DOK6: variants seen among roughly 807,000 people sequenced by gnomAD.
DOK6 encodes the protein docking protein 6.
Under a neutral mutation model 44.0 loss-of-function variants are expected in DOK6, and 22 were observed. The ratio of observed to expected loss-of-function variants is 0.50; its 90% CI spans 0.36 to 0.71. DOK6 has a LOEUF of 0.71. Among genes scored for constraint, DOK6 ranks in the 30% least tolerant of loss-of-function variants. The pLI, the probability that DOK6 is intolerant of heterozygous loss-of-function variation, is 0.00. For missense variants in DOK6, 340 were observed against 416.4 expected, an observed-to-expected ratio of 0.82 and a Z score of 1.60; for synonymous variants, 166 against 145.5, an observed-to-expected ratio of 1.14 and a Z score of -1.01.
chr18:69,684,449 T>C (rs1053050745), intron 4 of DOK6, among the ~76,000 whole-genome samples: 1 of 152,012 alleles, frequency 6.6e-6, no homozygotes, highest in African/African-American at 2.4e-5. Flanking sequence ...CCTGGGAACA[T>C]GCCCTCTGTA....
chr18:69,597,516 A>G (rs1251510689), intron 2 of DOK6, among the ~76,000 whole-genome samples: 1 of 131,660 alleles, frequency 7.6e-6, no homozygotes, highest in Non-Finnish European at 1.7e-5. Context: ...TATTTTCTCC[A>G]TAAGGGGTAT....
At chr18:69,672,544 T>G (rs10451410) in intron 3 of DOK6, among the ~76,000 whole-genome samples, 122,528 of 151,694 alleles carry the variant, frequency 0.81, 49,632 homozygotes, top group East Asian at 0.97. Context: ...TTTTAGTAGA[T>G]TCGGGGTTTC....
intron 7 of DOK6, among the ~76,000 whole-genome samples, chr18:69,790,523 G>A (rs948804233): frequency 6.6e-6 from 1 of 152,136 alleles, no homozygotes; most frequent in African/African-American, 2.4e-5. Context: ...CATGCGCTAA[G>A]TAAGAATTTT....
chr18:69,780,914 T>C (rs1980244755), intron 7 of DOK6, among the ~76,000 whole-genome samples: 1 of 152,210 alleles, frequency 6.6e-6, no homozygotes, highest in South Asian at 2.1e-4. Flanking sequence ...ATTTATGGGC[T>C]GTCTATGGTA....
chr18:69,761,227 C>T lies in DOK6; in HGVS notation c.856+3354C>T, dbSNP rs995238671. Among the ~76,000 whole-genome samples, 4 of 149,028 alleles carry T rather than the reference C, an allele frequency of 2.7e-5. 1 individual carries two copies. The highest frequency in any genetic ancestry group is 7.6e-5 in the African/African-American group (3 of 39,352). Reference sequence around the variant, plus strand: ...TTAAGAGCCTGCCTTTCCCTGGGGCCGGCTGCGACCAATTATTACTACTCC... The same window carrying T: ...TTAAGAGCCTGCCTTTCCCTGGGGCTGGCTGCGACCAATTATTACTACTCC... On this transcript the variant is annotated intron_variant, in intron 7 of 7. Transcript: ENST00000382713.
intron 1 of DOK6, among the ~76,000 whole-genome samples, chr18:69,555,315 A>C (rs1982660710): frequency 6.6e-6 from 1 of 152,182 alleles, no homozygotes; most frequent in South Asian, 2.1e-4. Flanking sequence ...GAAAAGAGTA[A>C]CATGCTTTAA....
At chr18:69,713,606 A>T (rs1001953339) in intron 5 of DOK6, among the ~76,000 whole-genome samples, 1 of 152,220 alleles carries the variant, frequency 6.6e-6, no homozygotes, top group Non-Finnish European at 1.5e-5. Context: ...GTCATTTTGC[A>T]CATGACAATT....
chr18:69,793,343 A>G (rs1280018271), intron 7 of DOK6, among the ~76,000 whole-genome samples: 1 of 152,162 alleles, frequency 6.6e-6, no homozygotes, highest in Non-Finnish European at 1.5e-5. Flanking sequence ...GTTTTTACCT[A>G]TCTCCAAGGA....
chr18:69,747,726 G>A (rs1025971728), intron 6 of DOK6, among the ~76,000 whole-genome samples: 1 of 152,134 alleles, frequency 6.6e-6, no homozygotes, highest in Non-Finnish European at 1.5e-5. Context: ...TTTTCTGCAT[G>A]TTGATTTCCC....
chr18:69,621,248 G>A (rs558773768), intron 3 of DOK6, among the ~76,000 whole-genome samples: 10 of 152,226 alleles, frequency 6.6e-5, no homozygotes, highest in East Asian at 1.9e-4. Flanking sequence ...GACTATTTCC[G>A]TAAGGCTTTG....
chr18:69,503,011 C>T (rs1415679792), intron 1 of DOK6, among the ~76,000 whole-genome samples: 1 of 151,916 alleles, frequency 6.6e-6, no homozygotes, highest in Non-Finnish European at 1.5e-5. Flanking sequence ...AAATCTTGAC[C>T]TAAGAGTATT....
At chr18:69,770,014 A>G (rs531345591) in intron 7 of DOK6, among the ~76,000 whole-genome samples, 1 of 152,296 alleles carries the variant, frequency 6.6e-6, no homozygotes, top group East Asian at 1.9e-4. Flanking sequence ...GCAACCTTCT[A>G]TGAACAAGAT....
chr18:69,756,023 T>G (rs1979342724), intron 6 of DOK6, among the ~76,000 whole-genome samples: 1 of 152,224 alleles, frequency 6.6e-6, no homozygotes, highest in Non-Finnish European at 1.5e-5. Flanking sequence ...GCCCCATTTT[T>G]TCCAGTGCAC....
At chr18:69,750,831 TTTATCA>T (rs2144748438) in intron 6 of DOK6, among the ~76,000 whole-genome samples, 1 of 152,296 alleles carries the variant, frequency 6.6e-6, no homozygotes, top group South Asian at 2.1e-4. Flanking sequence ...AGCATAAGTG[TTTATCA>T]ACAAATGAAT....
intron 2 of DOK6, among the ~76,000 whole-genome samples, chr18:69,583,376 G>GA (rs2144611340): frequency 6.6e-6 from 1 of 152,092 alleles, no homozygotes; most frequent in East Asian, 1.9e-4. Flanking sequence ...CATCTGTTTT[G>GA]TTTTTTTACT....
chr18:69,541,848 T>C (rs186852011), intron 1 of DOK6, among the ~76,000 whole-genome samples: 11 of 151,624 alleles, frequency 7.3e-5, no homozygotes, highest in African/African-American at 2.2e-4. Flanking sequence ...TCTGTATTGA[T>C]AGGAAAAAGT....
At chr18:69,510,342 A>G (rs1408684950) in intron 1 of DOK6, among the ~76,000 whole-genome samples, 2 of 152,212 alleles carry the variant, frequency 1.3e-5, no homozygotes, top group Admixed American at 6.5e-5. Context: ...AACATCTTCA[A>G]TCACTTACCA....
chr18:69,465,583 C>T (rs1025888014), intron 1 of DOK6, among the ~76,000 whole-genome samples: 23 of 148,480 alleles, frequency 1.5e-4, no homozygotes, highest in African/African-American at 3.2e-4. Context: ...TGTGATAGTT[C>T]ACTGAGAATG....
intron 1 of DOK6, among the ~76,000 whole-genome samples, chr18:69,450,765 T>G (rs1200991331): frequency 2.1e-4 from 31 of 144,502 alleles, no homozygotes; most frequent in African/African-American, 7.6e-4. Flanking sequence ...TCAACATTCT[T>G]AAAGAAAAGA....
Sources: allele counts gnomAD v4.1 joint callset (sites outside exome capture counted in the v4.1 genomes callset), GRCh38; gene constraint gnomAD v4.1.1; transcripts MANE v1.5; gene names NCBI Gene and HGNC (gene_info 2026-07-23, HGNC 2026-07-21).